The following VPS13B variants were observed in gnomAD, a reference collection of about 807,000 sequenced individuals.
VPS13B encodes vacuolar protein sorting 13 homolog B.
A neutral mutation model predicts 426.4 loss-of-function variants in VPS13B; 285 were observed. That is an observed-to-expected ratio of 0.67 (90% CI 0.61 to 0.74). The LOEUF (loss-of-function observed/expected upper bound fraction) is 0.74. Among genes scored for constraint, VPS13B ranks in the 30% least tolerant of loss-of-function variants. The probability of loss-of-function intolerance (pLI) is 0.00; values close to 1 mark genes in which losing one functional copy is unlikely to be tolerated. For missense variants in VPS13B, 4,537 were observed against 4,782.6 expected (o/e 0.95, Z 1.51); for synonymous variants, 1,676 against 1,676.4 (o/e 1.00, Z 0.01).
rs1817290075 is a variant in VPS13B at position 99,247,584 on chromosome 8, C to CA, written c.2516-26612dup. On this transcript the variant is annotated intron_variant, in intron 17 of 61. Coordinates refer to ENST00000357162, the MANE Select transcript of VPS13B (RefSeq NM_152564.5). The stretch of plus-strand genomic sequence containing the variant: ...TAATAATTTTTTAATTGTAGGTGCT[C>CA]AAGAGAGAAAACAGACACAAAGTGT... 2.0e-5 allele frequency among the ~76,000 whole-genome samples: 3 copies of CA among 152,198 alleles called. No homozygotes were observed. The South Asian group carries it at 6.2e-4, about 32-fold the overall frequency.
At chr8:99,442,073 G>C (rs1409526882) in intron 22 of VPS13B, among the ~76,000 whole-genome samples, 1 of 152,052 alleles carries the variant, frequency 6.6e-6, no homozygotes, top group East Asian at 1.9e-4. Context: ...GCCTTATCTG[G>C]TGTTAACAAA....
At chr8:99,234,110 G>GA (rs1016868919) in intron 17 of VPS13B, 3 of 784,668 alleles carry the variant, frequency 3.8e-6, no homozygotes, top group Non-Finnish European at 7.1e-6. Flanking sequence ...CTTGCTCCCG[G>GA]AAGAGTGGTC....
intron 17 of VPS13B, among the ~76,000 whole-genome samples, chr8:99,207,301 C>T (rs765762238): frequency 6.6e-6 from 1 of 152,016 alleles, no homozygotes; most frequent in Non-Finnish European, 1.5e-5. Flanking sequence ...AAATAACTCC[C>T]ACAAGCTTAG....
Position 99,824,044 on chromosome 8 carries a change from C to A in VPS13B, c.9330+66C>A, listed in dbSNP as rs116090811. 306 of 1,557,086 alleles carry A rather than the reference C, an allele frequency of 2.0e-4. 2 individuals are homozygous for A. In the African/African-American group the frequency reaches 3.5e-3, roughly 18 times the overall value. On this transcript the variant is annotated intron_variant, in intron 51 of 61. Coordinates refer to ENST00000357162, the MANE Select transcript of VPS13B (RefSeq NM_152564.5). ...AAGAAACAATAAATAGGATCAACTT[C>A]TCTTTAACCTATAGCAAATGAAAAG... is the stretch of plus-strand genomic sequence containing the variant.
intron 25 of VPS13B, among the ~76,000 whole-genome samples, chr8:99,497,129 CATATATAAATATATAT>C (rs1820934119): frequency 8.5e-6 from 1 of 118,220 alleles, no homozygotes; most frequent in African/African-American, 3.7e-5. Context: ...TTATATATTT[CATATATAAATATATAT>C]ATTTATGTAA....
chr8:99,124,626 C>G (rs895122901), intron 8 of VPS13B, among the ~76,000 whole-genome samples: 2 of 152,004 alleles, frequency 1.3e-5, no homozygotes, highest in Admixed American at 6.6e-5. Context: ...GTGGCTCATG[C>G]GTATAATCCC....
At chr8:99,671,190 A>T (rs1166922086) in intron 35 of VPS13B, among the ~76,000 whole-genome samples, 2 of 152,092 alleles carry the variant, frequency 1.3e-5, no homozygotes. Context: ...AGCAGGAATG[A>T]TGTGGTCTTT....
At chr8:99,778,591 A>C in intron 41 of VPS13B, 91 bp from the exon 42 acceptor site, 1 of 1,148,724 alleles carries the variant, frequency 8.7e-7, no homozygotes, top group Non-Finnish European at 1.3e-6. Flanking sequence ...AATAATCAAA[A>C]AGTGAATAGT....
chr8:99,819,955 C>A lies in VPS13B; in HGVS notation c.8827C>A (p.Arg2943=), dbSNP rs755996065. 2 of 1,613,938 alleles carry A rather than the reference C, an allele frequency of 1.2e-6. No homozygotes were observed. The highest frequency in any genetic ancestry group is 1.7e-5 in the Admixed American group (1 of 59,990). ...EQLSQWDSPM[R]VKLSIWKPYV... The stretch of plus-strand genomic sequence containing the variant: ...GCTAAGTCAGTGGGATAGCCCAATG[C>A]GAGTGAAGCTGTCAATCTGGAAGCC... The change falls in exon 49 of 62, where the codon CGA becomes AGA. Residue 2943 remains arginine (R), a synonymous_variant. Coordinates refer to ENST00000357162, the MANE Select transcript of VPS13B (RefSeq NM_152564.5).
chr8:99,513,341 C>T (rs558461767), intron 29 of VPS13B, among the ~76,000 whole-genome samples: 2 of 151,184 alleles, frequency 1.3e-5, no homozygotes, highest in South Asian at 2.1e-4. Context: ...TTAATGCAAA[C>T]AATTAGGAAG....
chr8:99,699,516 C>G lies in VPS13B; in HGVS notation c.6047-9C>G, dbSNP rs1832182375. ...TTCAATAATTGTTTTCTCTTTTTTA[C>G]TTCTATAGCGGATGTCAATTTGGAT... On this transcript the variant is annotated splice_polypyrimidine_tract_variant and intron_variant, in intron 35 of 61. Coordinates refer to ENST00000357162, the MANE Select transcript of VPS13B (RefSeq NM_152564.5). The G allele has an allele frequency of 6.2e-7, 1 of 1,612,622 alleles. No homozygotes were observed. The highest frequency in any genetic ancestry group is 8.5e-7 in the Non-Finnish European group (1 of 1,179,896).
At chr8:99,034,496 C>T (rs575075688) in intron 2 of VPS13B, among the ~76,000 whole-genome samples, 1 of 151,166 alleles carries the variant, frequency 6.6e-6, no homozygotes, top group Admixed American at 6.6e-5. Context: ...ACTGCCCTCT[C>T]TTTGTGGTTG....
At chr8:99,853,414 GT>G in intron 55 of VPS13B, 36 bp from the exon 56 acceptor site, 1 of 1,605,464 alleles carries the variant, frequency 6.2e-7, no homozygotes, top group Non-Finnish European at 8.5e-7. Context: ...GAAAAGGTGA[GT>G]GGGGGGACTA....
intron 19 of VPS13B, among the ~76,000 whole-genome samples, chr8:99,275,735 G>C (rs568614010): frequency 6.6e-6 from 1 of 152,146 alleles, no homozygotes; most frequent in African/African-American, 2.4e-5. Flanking sequence ...ACTTTGAATA[G>C]AATCGATTTC....
intron 54 of VPS13B, among the ~76,000 whole-genome samples, chr8:99,840,268 C>G (rs1261675630): frequency 2.0e-5 from 3 of 152,240 alleles, no homozygotes; most frequent in Non-Finnish European, 4.4e-5. Flanking sequence ...TCAACCACAT[C>G]CCCCAGGTCT....
At chr8:99,642,612 A>G (rs992832464) in intron 34 of VPS13B, 114 bp downstream of exon 34, 6 of 922,168 alleles carry the variant, frequency 6.5e-6, no homozygotes, top group Non-Finnish European at 9.9e-6. Context: ...TCTTTTCTCT[A>G]CAGAATATGG....
At chr8:99,871,971 C>G (rs1488719477) in intron 61 of VPS13B, among the ~76,000 whole-genome samples, 3 of 152,212 alleles carry the variant, frequency 2.0e-5, no homozygotes, top group Non-Finnish European at 4.4e-5. Flanking sequence ...GTAACCAAGC[C>G]AATTGAACAA....
intron 25 of VPS13B, among the ~76,000 whole-genome samples, chr8:99,488,013 G>A (rs1820400545): frequency 6.6e-6 from 1 of 152,134 alleles, no homozygotes; most frequent in South Asian, 2.1e-4. Flanking sequence ...TAAAACTCAT[G>A]TAGTACTAGA....
intron 19 of VPS13B, among the ~76,000 whole-genome samples, chr8:99,361,906 A>G (rs939422505): frequency 1.3e-5 from 2 of 152,230 alleles, no homozygotes; most frequent in Non-Finnish European, 2.9e-5. Flanking sequence ...CTTCATAACA[A>G]CCCTACAAGT....
Sources: allele counts gnomAD v4.1 joint callset (sites outside exome capture counted in the v4.1 genomes callset), GRCh38; gene constraint gnomAD v4.1.1; transcripts MANE v1.5; gene names NCBI Gene and HGNC (gene_info 2026-07-23, HGNC 2026-07-21).